The following PKD1 variants were observed in gnomAD, a reference collection of about 807,000 sequenced individuals.
PKD1 encodes the protein polycystin-1.
Under a neutral mutation model 361.7 loss-of-function variants are expected in PKD1, and 81 were observed. The ratio of observed to expected loss-of-function variants is 0.22; its 90% CI spans 0.19 to 0.27. The LOEUF is 0.27. Ranked by LOEUF, PKD1 falls within the 10% of genes least tolerant of loss-of-function variation. The probability of loss-of-function intolerance (pLI) is 1.00; values close to 1 mark genes in which losing one functional copy is unlikely to be tolerated. For synonymous variants in PKD1, 3,615 were observed against 2,818.3 expected (o/e 1.28, Z -8.95); for missense variants, 6,399 against 6,118.3 (o/e 1.05, Z -1.53).
chr16:2,094,661 C>G, intron 34 of PKD1: 1 of 240,520 alleles, frequency 4.2e-6, no homozygotes, highest in South Asian at 5.1e-5. Flanking sequence ...ATATGAATGC[C>G]TTTCAAATCC....
chr16:2,106,963 G>T lies in PKD1; in HGVS notation c.7066-15C>A. ...CGGATCAGCACCTGGCGTGGGAGTG[G>T]GGTTACCTCCAACACAGGTCTATTT... On this transcript the variant is annotated splice_polypyrimidine_tract_variant and intron_variant, in intron 16 of 45. Transcript: ENST00000262304. This position sits in a 1 kb window ranked among gnomAD's most constrained non-coding sequence, Gnocchi z 6.5. 2 of 1,582,486 alleles carry T rather than the reference G, an allele frequency of 1.3e-6. No homozygotes were observed. The highest frequency in any genetic ancestry group is 1.1e-5 in the South Asian group (1 of 90,746).
At chr16:2,128,732 T>A (rs1042981770) in intron 1 of PKD1, among the ~76,000 whole-genome samples, 2 of 151,838 alleles carry the variant, frequency 1.3e-5, no homozygotes, top group African/African-American at 4.8e-5. Context: ...TGAGACAGAG[T>A]TTCACTCTGT....
At chr16:2,124,819 G>C (rs910308602) in intron 1 of PKD1, among the ~76,000 whole-genome samples, 1 of 152,214 alleles carries the variant, frequency 6.6e-6, no homozygotes, top group African/African-American at 2.4e-5. Flanking sequence ...CGGAGGGGCC[G>C]CCTGCGGAGC....
At chr16:2,129,159 C>A (rs2092836103) in intron 1 of PKD1, among the ~76,000 whole-genome samples, 1 of 151,292 alleles carries the variant, frequency 6.6e-6, no homozygotes, top group African/African-American at 2.4e-5. Flanking sequence ...CCGCGCCCAC[C>A]CTGTTTTTTT....
At chr16:2,124,747 C>G (rs1264059668) in intron 1 of PKD1, among the ~76,000 whole-genome samples, 5 of 152,356 alleles carry the variant, frequency 3.3e-5, no homozygotes, top group African/African-American at 7.2e-5. Flanking sequence ...GGGTGTGCGC[C>G]AGGCCCGGCA....
At chr16:2,126,765 C>T (rs2151842377) in intron 1 of PKD1, among the ~76,000 whole-genome samples, 1 of 152,372 alleles carries the variant, frequency 6.6e-6, no homozygotes, top group Non-Finnish European at 1.5e-5. Context: ...GTGTCTCCCT[C>T]CAAAGTATAT....
intron 1 of PKD1, chr16:2,123,381 G>A: frequency 2.3e-6 from 1 of 439,656 alleles, no homozygotes; most frequent in Non-Finnish European, 4.6e-6. Context: ...TGCCCCCTGG[G>A]TGTGGAAGCA....
At position 2,100,865 on chromosome 16, in the gene PKD1, C is replaced by T. The variant is rs922770738; in HGVS notation, c.9398-299G>A. On this transcript the variant is annotated intron_variant, in intron 26 of 45. Coordinates refer to ENST00000262304, the MANE Select transcript of PKD1 (RefSeq NM_001009944.3). The surrounding 1 kb of genome is among the most constrained non-coding windows in gnomAD (Gnocchi z 4.4). ...GTGACCCGCACTGCACACCTGTCCA[C>T]GCCTCAGTCATGCCACAACCGGTGA... is the stretch of plus-strand genomic sequence containing the variant. The T allele has an allele frequency of 4.1e-5, 20 of 489,238 alleles. No homozygotes were observed. The highest frequency in any genetic ancestry group is 6.6e-5 in the Admixed American group (2 of 30,076). 30.3% of individuals were successfully genotyped at this position (489,238 alleles called of 1,614,324 possible). A position where few individuals can be genotyped will look rare whatever the true frequency, so the allele number is the denominator to read the frequency against.
intron 11 of PKD1, 97 bp from the exon 12 acceptor site, chr16:2,113,389 C>T (rs1024387049): frequency 1.1e-5 from 13 of 1,202,324 alleles, no homozygotes; most frequent in Non-Finnish European, 1.1e-5. Context: ...GAGAGTCCCA[C>T]GCGGGGCACA....
At chr16:2,093,304 G>A (rs2091685930) in intron 37 of PKD1, 3 of 679,730 alleles carry the variant, frequency 4.4e-6, no homozygotes, top group Non-Finnish European at 7.5e-6. Flanking sequence ...CCACTGCAGT[G>A]GTGCTTAGGG....
chr16:2,112,870 C>A lies in PKD1; in HGVS notation c.3079G>T (p.Val1027Leu), dbSNP rs2092555584. ...NRMQGLQVST[V>L]PAVLSPNATL... ...GCATTGGGGGACAGCACGGCCGGCA[C>A]TGTGGAGACCTGCAGACCCTGCATC... Residue 1027 changes from valine to leucine, a missense_variant, in exon 13 of 46, where the codon GTG becomes TTG. Coordinates refer to ENST00000262304, the MANE Select transcript of PKD1 (RefSeq NM_001009944.3). The A allele has an allele frequency of 1.9e-6, 3 of 1,606,684 alleles. No homozygotes were observed. The highest frequency in any genetic ancestry group is 2.7e-5 in the African/African-American group (2 of 74,854).
rs769952764 is a variant in PKD1 at position 2,093,831 on chromosome 16, G to A, written c.10801C>T (p.Leu3601Phe). Reference protein sequence around the residue: ...SSSASFLASFLGWEPLKVLLE... With the variant: ...SSSASFLASFFGWEPLKVLLE... ...CTCACCTTCAGTGGCTCCCAGCCGAGGAATGAGGCCAGGAAGCTGGCGCTG... is the reference window on the plus strand; with the variant it reads ...CTCACCTTCAGTGGCTCCCAGCCGAAGAATGAGGCCAGGAAGCTGGCGCTG... The change falls in exon 36 of 46, where the codon CTC (leucine) becomes TTC (phenylalanine). Residue 3601 changes from leucine (L) to phenylalanine (F), a missense_variant. Physicochemically the swap from Leu to Phe is conservative, Grantham distance 22 (BLOSUM62 0). Transcript: ENST00000262304. 10 of 1,560,692 alleles carry A rather than the reference G, an allele frequency of 6.4e-6. No homozygotes were observed. The highest frequency in any genetic ancestry group is 1.8e-5 in the Admixed American group (1 of 54,412).
Position 2,092,050 on chromosome 16 carries a change from A to G in PKD1, c.11408T>C (p.Leu3803Pro). ...CCGGGGCCCTCGCTCTGCTCACCCC[A>G]GCAGATCCGGCGCTGAATAGGCCCA... Reference protein sequence around the residue: ...GTWAYSAPDLLGAWSWGSCAV... With the variant: ...GTWAYSAPDLPGAWSWGSCAV... Residue 3803 changes from leucine (L) to proline (P), a missense_variant, in exon 40 of 46, where the codon CTG becomes CCG. By Grantham distance (98) the Leu-to-Pro change is moderately conservative. Coordinates refer to ENST00000262304, the MANE Select transcript of PKD1 (RefSeq NM_001009944.3). 1 of 1,612,768 alleles carries G rather than the reference A, an allele frequency of 6.2e-7. No individual in the cohort carries two copies. The highest frequency in any genetic ancestry group is 8.5e-7 in the Non-Finnish European group (1 of 1,179,968).
intron 1 of PKD1, among the ~76,000 whole-genome samples, chr16:2,124,542 G>A (rs995690557): frequency 6.6e-6 from 1 of 152,198 alleles, no homozygotes; most frequent in African/African-American, 2.4e-5. Context: ...CCTGGGTGTG[G>A]GGCAGCTCCC....
At chr16:2,092,687 G>A in intron 38 of PKD1, 95 bp from the exon 39 acceptor site, 1 of 936,720 alleles carries the variant, frequency 1.1e-6, no homozygotes, top group Non-Finnish European at 1.7e-6. Context: ...GGCTCCCACT[G>A]CCCTGCTGGC....
intron 8 of PKD1, 63 bp from the exon 9 acceptor site, chr16:2,116,181 C>T (rs765290539): frequency 2.0e-6 from 3 of 1,530,860 alleles, no homozygotes; most frequent in African/African-American, 1.4e-5. Context: ...CCAGACTCCC[C>T]CTACCCGAAC....
intron 11 of PKD1, chr16:2,113,806 A>G: frequency 4.9e-6 from 2 of 407,592 alleles, no homozygotes; most frequent in South Asian, 2.4e-5. Flanking sequence ...GGCAGCCCGC[A>G]GTTTCCCATC....
At position 2,097,433 on chromosome 16, in the gene PKD1, C is replaced by T. The variant is rs1289793709; in HGVS notation, c.10291G>A (p.Gly3431Ser). 6.2e-7 allele frequency: 1 copy of T among 1,607,738 alleles called. No individual in the cohort carries two copies. The highest frequency in any genetic ancestry group is 1.1e-5 in the South Asian group (1 of 91,078). Residue 3431 changes from glycine to serine, a missense_variant, in exon 33 of 46, where the codon GGT becomes AGT. Gly to Ser is a moderately conservative substitution (Grantham distance 56, BLOSUM62 0). Coordinates refer to ENST00000262304, the MANE Select transcript of PKD1 (RefSeq NM_001009944.3). Reference sequence around the variant, plus strand: ...CGTGCCAGCTGCCGCAGATTGCTACCCACAATGGACGGGTCACTGAGCAGG... The same window carrying T: ...CGTGCCAGCTGCCGCAGATTGCTACTCACAATGGACGGGTCACTGAGCAGG... ...PDLLSDPSIV[G>S]SNLRQLARGQ...
intron 1 of PKD1, chr16:2,119,943 G>A (rs1375473470): frequency 3.0e-6 from 2 of 659,702 alleles, no homozygotes; most frequent in Non-Finnish European, 5.5e-6. Context: ...GCCAGGCACT[G>A]GGGCACACGC....
Sources: gnomAD v4.1 joint callset for allele counts (sites outside exome capture counted in the v4.1 genomes callset) on GRCh38, gnomAD v4.1.1 for gene constraint, Gnocchi (gnomAD v3.1) non-coding constraint, MANE v1.5 for transcripts, NCBI Gene and HGNC (gene_info 2026-07-23, HGNC 2026-07-21) for gene names.